Variants in PLEK2 observed in about 807,000 individuals in gnomAD.
The protein encoded by PLEK2 is pleckstrin-2.
A neutral mutation model predicts 43.8 loss-of-function variants in PLEK2; 29 were observed. That is an observed-to-expected ratio of 0.66 (90% CI 0.49 to 0.90). The LOEUF (loss-of-function observed/expected upper bound fraction) is 0.90, where lower values mean the gene tolerates loss of function less well. Among genes scored for constraint, PLEK2 ranks in the 40% least tolerant of loss-of-function variants. The pLI is 0.00. For synonymous variants in PLEK2, 162 were observed against 173.2 expected, an observed-to-expected ratio of 0.94 and a Z score of 0.51; for missense variants, 398 against 448.1, an observed-to-expected ratio of 0.89 and a Z score of 1.01.
At chr14:67,401,566 C>T (rs2086049223) in intron 1 of PLEK2, among the ~76,000 whole-genome samples, 1 of 151,942 alleles carries the variant, frequency 6.6e-6, no homozygotes, top group Admixed American at 6.6e-5. Context: ...ACACACAGCT[C>T]ACACAGAGGA....
chr14:67,404,911 C>T (rs2086069328), intron 1 of PLEK2, among the ~76,000 whole-genome samples: 1 of 151,790 alleles, frequency 6.6e-6, no homozygotes, highest in East Asian at 1.9e-4. Flanking sequence ...ACAATGGTCA[C>T]CTCTAAGGAG....
At chr14:67,398,477 TCTC>T (rs949058877) in intron 1 of PLEK2, among the ~76,000 whole-genome samples, 4 of 152,088 alleles carry the variant, frequency 2.6e-5, no homozygotes, top group African/African-American at 9.7e-5. Flanking sequence ...AAACTACCCT[TCTC>T]TTTATTCCTG....
chr14:67,406,076 AG>A (rs1274131516), intron 1 of PLEK2, among the ~76,000 whole-genome samples: 2 of 151,964 alleles, frequency 1.3e-5, no homozygotes, highest in African/African-American at 2.4e-5. Context: ...CTGGCCAAAA[AG>A]GTTAAACCCC....
chr14:67,406,087 C>G (rs1017297223), intron 1 of PLEK2, among the ~76,000 whole-genome samples: 2 of 151,978 alleles, frequency 1.3e-5, no homozygotes, highest in Admixed American at 6.6e-5. Context: ...GGTTAAACCC[C>G]GTCTCTACTA....
chr14:67,402,923 T>G lies in PLEK2; in HGVS notation c.43-5097A>C, dbSNP rs151150652. On this transcript the variant is annotated intron_variant, in intron 1 of 8. Transcript: ENST00000216446. ...CTTCAATATATTGATTTCCTTTCTT[T>G]TGGGTATATACCCAGCAGTGGAATT... Among the ~76,000 whole-genome samples the G allele has an allele frequency of 6.0e-3, 911 of 152,320 alleles. 8 individuals are homozygous for G. The highest frequency in any genetic ancestry group is 0.02 in the African/African-American group (817 of 41,570).
At chr14:67,397,961 T>C in intron 1 of PLEK2, 135 bp from the exon 2 acceptor site, 1 of 651,008 alleles carries the variant, frequency 1.5e-6, no homozygotes, top group Non-Finnish European at 2.6e-6. Context: ...GCAGGATTTG[T>C]GTCTGGATCT....
chr14:67,408,287 AAAATAAAT>A (rs1388401542), intron 1 of PLEK2, among the ~76,000 whole-genome samples: 1 of 144,940 alleles, frequency 6.9e-6, no homozygotes, highest in Non-Finnish European at 1.5e-5. Context: ...ATTCGGTCTC[AAAATAAAT>A]AAATAAAATA....
intron 1 of PLEK2, among the ~76,000 whole-genome samples, chr14:67,398,682 G>A (rs1011060793): frequency 7.3e-5 from 11 of 150,200 alleles, no homozygotes; most frequent in Admixed American, 2.0e-4. Flanking sequence ...ACTACTTCCC[G>A]AGTGGCTGGG....
intron 3 of PLEK2, among the ~76,000 whole-genome samples, chr14:67,394,017 G>A (rs1325443188): frequency 1.3e-5 from 2 of 152,148 alleles, no homozygotes; most frequent in Admixed American, 6.5e-5. Context: ...TGAGAAACTG[G>A]AATTGTCAGC....
intron 7 of PLEK2, 58 bp downstream of exon 7, chr14:67,390,605 A>G: frequency 5.9e-6 from 7 of 1,176,946 alleles, no homozygotes; most frequent in Non-Finnish European, 9.0e-6. Context: ...ATGCCAGGAG[A>G]GGAGTGTCTG....
At position 67,387,464 on chromosome 14, in the gene PLEK2, GA is replaced by G; in HGVS notation, c.935-9del. 1.3e-6 allele frequency: 2 copies of G among 1,590,780 alleles called. No homozygotes were observed. The highest frequency in any genetic ancestry group is 1.7e-6 in the Non-Finnish European group (2 of 1,172,406). On this transcript the variant is annotated splice_polypyrimidine_tract_variant and intron_variant, in intron 8 of 8. Transcript: ENST00000216446. The stretch of plus-strand genomic sequence containing the variant: ...GGACATTCCCTTTAACCCCTAGGCA[GA>G]AAAAAGGGGGAAAAAAATCAGTGAT...
intron 4 of PLEK2, 126 bp downstream of exon 4, chr14:67,393,024 C>G: frequency 1.1e-6 from 1 of 905,410 alleles, no homozygotes; most frequent in Non-Finnish European, 1.8e-6. Context: ...ACATGGCCAT[C>G]TCAGGCTAGC....
At chr14:67,404,355 A>G (rs1315326464) in intron 1 of PLEK2, among the ~76,000 whole-genome samples, 1 of 152,080 alleles carries the variant, frequency 6.6e-6, no homozygotes, top group Non-Finnish European at 1.5e-5. Flanking sequence ...TCTAGCAGCC[A>G]CATGCAGCTG....
In PLEK2 at chr14:67,392,439, G is replaced by A. The variant is rs936971763; in HGVS notation, c.670-12C>T. On this transcript the variant is annotated splice_polypyrimidine_tract_variant and intron_variant, in intron 5 of 8. Coordinates refer to ENST00000216446, the MANE Select transcript of PLEK2 (RefSeq NM_016445.3). ...TTGTAGCTCTCAGCCTAGGGGGAAG[G>A]AGGGAGCAAGGACTCTGCTACAGAA... The A allele has an allele frequency of 2.5e-6, 4 of 1,588,976 alleles. No individual in the cohort carries two copies. The African/African-American group carries it at 5.4e-5, about 21-fold the overall frequency.
In PLEK2 at chr14:67,390,817, T is replaced by TA. The variant is rs1352510153; in HGVS notation, c.772-72dup. ...TCCCTCTCTCCTGTATCTATGCATG[T>TA]AATGCCAAACCCCCAACAAGCCAGC... On this transcript the variant is annotated intron_variant, in intron 6 of 8. Transcript: ENST00000216446. The TA allele has an allele frequency of 3.7e-6, 4 of 1,084,638 alleles. No homozygotes were observed. The Admixed American group carries it at 6.7e-5, about 18-fold the overall frequency. 67.2% of individuals were successfully genotyped at this position (1,084,638 alleles called of 1,614,324 possible).
At chr14:67,393,043 C>T (rs1566624739) in intron 4 of PLEK2, 107 bp downstream of exon 4, 2 of 969,042 alleles carry the variant, frequency 2.1e-6, no homozygotes, top group East Asian at 2.4e-5. Context: ...GCCTGTTGCC[C>T]AGCAGGCAGC....
intron 6 of PLEK2, among the ~76,000 whole-genome samples, chr14:67,391,991 A>G (rs944253813): frequency 1.3e-4 from 20 of 152,258 alleles, no homozygotes; most frequent in African/African-American, 4.6e-4. Context: ...CAGCAAATGC[A>G]AAACCTCAAG....
rs940271213 is a variant in PLEK2, at chr14:67,387,465, A to G, written c.935-9T>C. ...GACATTCCCTTTAACCCCTAGGCAGAAAAAAGGGGGAAAAAAATCAGTGAT... is the reference window on the plus strand; with the variant it reads ...GACATTCCCTTTAACCCCTAGGCAGGAAAAAGGGGGAAAAAAATCAGTGAT... On this transcript the variant is annotated splice_polypyrimidine_tract_variant and intron_variant, in intron 8 of 8. Coordinates refer to ENST00000216446, the MANE Select transcript of PLEK2 (RefSeq NM_016445.3). 1.1e-5 allele frequency: 17 copies of G among 1,595,634 alleles called. No individual in the cohort carries two copies. Among genetic ancestry groups the G allele is most frequent in the African/African-American group, 1.4e-5 (1 of 73,804 alleles).
At chr14:67,409,234 C>A (rs2086100919) in intron 1 of PLEK2, among the ~76,000 whole-genome samples, 1 of 151,596 alleles carries the variant, frequency 6.6e-6, no homozygotes, top group Admixed American at 6.6e-5. Flanking sequence ...CAGAGTGAGA[C>A]CCTCTCTAAA....
Sources: allele counts gnomAD v4.1 joint callset (sites outside exome capture counted in the v4.1 genomes callset), GRCh38; gene constraint gnomAD v4.1.1; transcripts MANE v1.5; gene names NCBI Gene and HGNC (gene_info 2026-07-23, HGNC 2026-07-21).